Variants in RPH3A observed in about 807,000 individuals in gnomAD.
RPH3A encodes the protein rabphilin-3A.
In RPH3A, 48 loss-of-function variants were observed where a neutral mutation model predicts 102.2. The ratio of observed to expected loss-of-function variants is 0.47; its 90% CI spans 0.37 to 0.60. The LOEUF (loss-of-function observed/expected upper bound fraction) is 0.60, where lower values mean the gene tolerates loss of function less well. Ranked by LOEUF, RPH3A falls within the 20% of genes least tolerant of loss-of-function variation. The pLI is 0.00. For synonymous variants in RPH3A, 310 were observed against 324.3 expected (o/e 0.96, Z 0.47); for missense variants, 781 against 910.1 (o/e 0.86, Z 1.83).
intron 1 of RPH3A, among the ~76,000 whole-genome samples, chr12:112,747,815 C>T (rs1642466198): frequency 6.6e-6 from 1 of 152,174 alleles, no homozygotes; most frequent in Non-Finnish European, 1.5e-5. Context: ...TGAAACAGTC[C>T]AGGGTGACTG....
intron 1 of RPH3A, among the ~76,000 whole-genome samples, chr12:112,759,335 C>T (rs186578733): frequency 1.7e-4 from 26 of 152,246 alleles, no homozygotes; most frequent in Admixed American, 1.3e-3. Flanking sequence ...TGTCCCACAC[C>T]TTGCTTGGAG....
chr12:112,688,973 C>T (rs966944191), intron 1 of RPH3A, among the ~76,000 whole-genome samples: 1 of 152,168 alleles, frequency 6.6e-6, no homozygotes, highest in Admixed American at 6.5e-5. Flanking sequence ...CTAAGAAAGA[C>T]TAAAATTTAG....
intron 1 of RPH3A, among the ~76,000 whole-genome samples, chr12:112,711,724 A>G (rs1489597964): frequency 1.3e-5 from 2 of 152,204 alleles, no homozygotes; most frequent in Non-Finnish European, 2.9e-5. Context: ...GGGCTCTGTT[A>G]TCCAGTGCAG....
intron 1 of RPH3A, among the ~76,000 whole-genome samples, chr12:112,671,636 G>T (rs908117300): frequency 1.3e-5 from 2 of 152,114 alleles, no homozygotes; most frequent in African/African-American, 4.8e-5. Flanking sequence ...GAGGGACAAG[G>T]CCTATGTTCC....
chr12:112,578,950 C>A (rs1241435239), intron 1 of RPH3A, among the ~76,000 whole-genome samples: 3 of 152,048 alleles, frequency 2.0e-5, no homozygotes, highest in African/African-American at 7.2e-5. Context: ...ATGAAATCTT[C>A]CAATTAAAAA....
chr12:112,894,580 G>C lies in RPH3A; in HGVS notation c.1778G>C (p.Trp593Ser). 2 of 1,613,712 alleles carry C rather than the reference G, an allele frequency of 1.2e-6. No homozygotes were observed. The highest frequency in any genetic ancestry group is 1.7e-6 in the Non-Finnish European group (2 of 1,179,886). Reference sequence around the variant, plus strand: ...TAGCATGTTGTGTCGCCTCCCAGCTGGCTGAAACCGGACATGGGAAAGAAG... The same window carrying C: ...TAGCATGTTGTGTCGCCTCCCAGCTCGCTGAAACCGGACATGGGAAAGAAG... Reference protein sequence around the residue: ...NGYSDPFVKLWLKPDMGKKAK... With the variant: ...NGYSDPFVKLSLKPDMGKKAK... Residue 593 changes from tryptophan (W) to serine (S), a missense_variant and splice_region_variant, in exon 20 of 22, where the codon TGG becomes TCG. Trp to Ser is a radical substitution (Grantham distance 177). Around this residue, in one of 2 missense-constraint regions of RPH3A, gnomAD observed 730 missense variants for 810.0 expected, o/e 0.90. Coordinates refer to ENST00000389385, the MANE Select transcript of RPH3A (RefSeq NM_001143854.2).
intron 1 of RPH3A, among the ~76,000 whole-genome samples, chr12:112,751,057 G>C (rs2040782831): frequency 6.6e-6 from 1 of 152,200 alleles, no homozygotes; most frequent in African/African-American, 2.4e-5. Context: ...GTGAGCTGCT[G>C]AATCAAGTCA....
At chr12:112,851,427 T>TG (rs1427980574) in intron 5 of RPH3A, among the ~76,000 whole-genome samples, 1 of 152,208 alleles carries the variant, frequency 6.6e-6, no homozygotes, top group African/African-American at 2.4e-5. Flanking sequence ...AGCTGGAAGT[T>TG]GAAACCCTTT....
intron 1 of RPH3A, among the ~76,000 whole-genome samples, chr12:112,758,208 G>A (rs1333480881): frequency 6.6e-6 from 1 of 152,212 alleles, no homozygotes; most frequent in Non-Finnish European, 1.5e-5. Context: ...CTCTAAATGG[G>A]TGGTTCAAAG....
rs771688201 is a variant in RPH3A, at chr12:112,628,568, C to CA, written c.-140+53291dup. ...AACATTGCAAGGCCTGTCTTTACCA[C>CA]AAAAAAAAAAAAAAAAAAAAAAAAA... is the stretch of plus-strand genomic sequence containing the variant. On this transcript the variant is annotated intron_variant, in intron 1 of 21. Coordinates refer to the RPH3A transcript ENST00000543106. Among the ~76,000 whole-genome samples the CA allele has an allele frequency of 1.2e-3, 32 of 27,048 alleles. 9 individuals carry two copies. The highest frequency in any genetic ancestry group is 2.2e-3 in the South Asian group (1 of 462). The allele number at this position is 27,048 out of a possible 152,430, so 17.7% of individuals were successfully genotyped here. A position where few individuals can be genotyped will look rare whatever the true frequency, so the allele number is the denominator to read the frequency against.
rs1388189965 is a variant in RPH3A, at chr12:112,724,318, A to G, written c.-139-67825A>G. Among the ~76,000 whole-genome samples the G allele has an allele frequency of 2.0e-5, 3 of 152,016 alleles. No homozygotes were observed. The South Asian group carries it at 6.2e-4, about 32-fold the overall frequency. On this transcript the variant is annotated intron_variant, in intron 1 of 21. Coordinates refer to the RPH3A transcript ENST00000543106. ...GAACTCAAGCAATCTTCCTGCCCCAACCTCTGAAAGTGCTGGACTTACAGG... is the reference window on the plus strand; with the variant it reads ...GAACTCAAGCAATCTTCCTGCCCCAGCCTCTGAAAGTGCTGGACTTACAGG...
At chr12:112,896,084 C>T (rs1056981930) in intron 21 of RPH3A, among the ~76,000 whole-genome samples, 6 of 152,214 alleles carry the variant, frequency 3.9e-5, no homozygotes, top group Admixed American at 6.5e-5. Flanking sequence ...ATTTGTTGAA[C>T]AAATCACCTC....
rs367604777 is a variant in RPH3A, at chr12:112,765,138, CGT to C, written c.-139-27002_-139-27001del. Among the ~76,000 whole-genome samples the C allele has an allele frequency of 3.3e-3, 500 of 152,034 alleles. 2 individuals carry two copies. Among genetic ancestry groups the C allele is most frequent in the African/African-American group, 0.011 (473 of 41,454 alleles). On this transcript the variant is annotated intron_variant, in intron 1 of 21. Coordinates refer to the RPH3A transcript ENST00000543106. Reference sequence around the variant, plus strand: ...CTCCATTCATCAAACACTCCTGCTGCGTGTCTGCATGGTCCCAGCTGGTCGTG... The same window carrying C: ...CTCCATTCATCAAACACTCCTGCTGCGTCTGCATGGTCCCAGCTGGTCGTG...
intron 10 of RPH3A, chr12:112,874,818 C>T: frequency 2.3e-6 from 1 of 444,144 alleles, no homozygotes; most frequent in Non-Finnish European, 4.0e-6. Flanking sequence ...GGACAGGTCA[C>T]TTGAGCAACG....
intron 1 of RPH3A, among the ~76,000 whole-genome samples, chr12:112,758,048 A>G (rs771217995): frequency 1.3e-5 from 2 of 152,170 alleles, no homozygotes; most frequent in Non-Finnish European, 2.9e-5. Context: ...CTGGTGCTGT[A>G]TACCTCTCCC....
chr12:112,693,863 A>G (rs573761127), intron 1 of RPH3A, among the ~76,000 whole-genome samples: 1 of 152,346 alleles, frequency 6.6e-6, no homozygotes, highest in Non-Finnish European at 1.5e-5. Context: ...GTTGGAACAT[A>G]AGCTTCAGGA....
intron 1 of RPH3A, among the ~76,000 whole-genome samples, chr12:112,781,005 A>T (rs531867326): frequency 9.3e-4 from 142 of 152,072 alleles, no homozygotes; most frequent in African/African-American, 3.3e-3. Context: ...AAAATAAATC[A>T]ATAAATAAGC....
chr12:112,693,733 T>G (rs1400851686), intron 1 of RPH3A, among the ~76,000 whole-genome samples: 3 of 152,230 alleles, frequency 2.0e-5, no homozygotes, highest in Non-Finnish European at 4.4e-5. Flanking sequence ...CTTTTTCTAG[T>G]GATGCCCCCT....
At chr12:112,681,275 A>C (rs747882580) in intron 1 of RPH3A, among the ~76,000 whole-genome samples, 2 of 152,148 alleles carry the variant, frequency 1.3e-5, no homozygotes, top group Non-Finnish European at 2.9e-5. Flanking sequence ...TCCAGGCCTG[A>C]CTGCCCTTTG....
Sources: allele counts gnomAD v4.1 joint callset (sites outside exome capture counted in the v4.1 genomes callset), GRCh38; gene constraint gnomAD v4.1.1; regional missense constraint gnomAD v4.1.1; transcripts MANE v1.5; gene names NCBI Gene and HGNC (gene_info 2026-07-23, HGNC 2026-07-21).